Variants in VPS13B observed in about 807,000 individuals in gnomAD.
VPS13B encodes vacuolar protein sorting 13 homolog B.
In VPS13B, 285 loss-of-function variants were observed where a neutral mutation model predicts 426.4. The observed-to-expected ratio is 0.67, with a 90% CI of 0.61 to 0.74. VPS13B has a LOEUF of 0.74. Among genes scored for constraint, VPS13B ranks in the 30% least tolerant of loss-of-function variants. The probability of loss-of-function intolerance (pLI) is 0.00; values close to 1 mark genes in which losing one functional copy is unlikely to be tolerated. For synonymous variants in VPS13B, 1,676 were observed against 1,676.4 expected (o/e 1.00, Z 0.01); for missense variants, 4,537 against 4,782.6 (o/e 0.95, Z 1.51).
intron 19 of VPS13B, among the ~76,000 whole-genome samples, chr8:99,369,960 A>G (rs535924680): frequency 3.3e-5 from 5 of 152,338 alleles, no homozygotes; most frequent in African/African-American, 1.2e-4. Flanking sequence ...ACCTGTCATT[A>G]GTAATCACAG....
intron 40 of VPS13B, among the ~76,000 whole-genome samples, chr8:99,771,038 C>T (rs1319480294): frequency 5.3e-5 from 8 of 152,192 alleles, no homozygotes. Context: ...ACAATTTTTA[C>T]TTTATTTATT....
chr8:99,807,506 G>A (rs1301593708), intron 43 of VPS13B, among the ~76,000 whole-genome samples: 1 of 151,680 alleles, frequency 6.6e-6, no homozygotes, highest in Non-Finnish European at 1.5e-5. Flanking sequence ...TGTACCCTGA[G>A]CTTGATTCCC....
In VPS13B at chr8:99,047,676, T is replaced by G. The variant is rs917818525; in HGVS notation, c.291+9110T>G. The stretch of plus-strand genomic sequence containing the variant: ...GGTAGGCATTTAGGGCTATGAACTT[T>G]CTTTCTTTCCTTTTCTTTTTTTTAT... On this transcript the variant is annotated intron_variant, in intron 3 of 61. Coordinates refer to ENST00000357162, the MANE Select transcript of VPS13B (RefSeq NM_152564.5). Among the ~76,000 whole-genome samples, 5 of 151,956 alleles carry G rather than the reference T, an allele frequency of 3.3e-5. No homozygotes were observed. In the East Asian group the frequency reaches 9.7e-4, roughly 29 times the overall value.
chr8:99,326,280 C>T (rs1156956485), intron 19 of VPS13B, among the ~76,000 whole-genome samples: 2 of 151,624 alleles, frequency 1.3e-5, no homozygotes, highest in African/African-American at 4.8e-5. Flanking sequence ...GTGTTATTTA[C>T]ATTTTATGTT....
At chr8:99,834,510 CT>C (rs1180991844) in intron 52 of VPS13B, among the ~76,000 whole-genome samples, 1 of 151,974 alleles carries the variant, frequency 6.6e-6, no homozygotes, top group African/African-American at 2.4e-5. Flanking sequence ...TCTAGTAGTC[CT>C]TTTAAAAGAA....
chr8:99,508,437 G>A (rs1821618438), intron 28 of VPS13B, among the ~76,000 whole-genome samples: 1 of 152,194 alleles, frequency 6.6e-6, no homozygotes, highest in East Asian at 1.9e-4. Flanking sequence ...ATCTGGATAT[G>A]TTCTTAAGCT....
At chr8:99,612,480 C>A (rs1429254042) in intron 33 of VPS13B, among the ~76,000 whole-genome samples, 1 of 152,158 alleles carries the variant, frequency 6.6e-6, no homozygotes, top group Non-Finnish European at 1.5e-5. Context: ...TTCCTGCCTT[C>A]TATTTTAAGC....
At chr8:99,623,891 A>G (rs1828473718) in intron 33 of VPS13B, among the ~76,000 whole-genome samples, 1 of 151,916 alleles carries the variant, frequency 6.6e-6, no homozygotes, top group African/African-American at 2.4e-5. Context: ...CTCATTTATC[A>G]TCATAAGAAC....
chr8:99,176,225 C>T (rs1812623824), intron 16 of VPS13B, among the ~76,000 whole-genome samples: 2 of 152,144 alleles, frequency 1.3e-5, no homozygotes, highest in South Asian at 4.2e-4. Flanking sequence ...GCCTCTGCCT[C>T]CTGGGCTGAA....
intron 19 of VPS13B, among the ~76,000 whole-genome samples, chr8:99,338,217 A>C (rs895743400): frequency 2.6e-5 from 4 of 152,042 alleles, no homozygotes; most frequent in Non-Finnish European, 1.5e-5. Flanking sequence ...TCAACTGGTC[A>C]GTTTCTATTA....
chr8:99,122,797 TGAATATAAA>T lies in VPS13B; in HGVS notation c.1206+1354_1206+1362del, dbSNP rs145202667. 3.5e-4 allele frequency among the ~76,000 whole-genome samples: 54 copies of T among 152,118 alleles called. No homozygotes were observed. The East Asian group carries it at 0.01, about 29-fold the overall frequency. On this transcript the variant is annotated intron_variant, in intron 8 of 61. Transcript: ENST00000357162. ...CAAATAACATATATATTGTGTTCAT[TGAATATAAA>T]GGTTAGGTAGAAAAATCAAGTGGGG...
intron 39 of VPS13B, among the ~76,000 whole-genome samples, chr8:99,722,962 ATAAC>A (rs912821607): frequency 7.9e-5 from 12 of 152,352 alleles, no homozygotes; most frequent in Non-Finnish European, 1.6e-4. Context: ...CATAAGTGTA[ATAAC>A]TAATTATTGG....
rs983532590 is a variant in VPS13B, at chr8:99,314,244, C to T, written c.2824+38990C>T. ...CTCAGTTGGAAATGCAGAAATCACCCGTCTTCTGCGTCGCTCATGCTGGGA... is the reference window on the plus strand; with the variant it reads ...CTCAGTTGGAAATGCAGAAATCACCTGTCTTCTGCGTCGCTCATGCTGGGA... On this transcript the variant is annotated intron_variant, in intron 19 of 61. Transcript: ENST00000357162. Among the ~76,000 whole-genome samples, 9 of 152,052 alleles carry T rather than the reference C, an allele frequency of 5.9e-5. 1 individual carries two copies. Among genetic ancestry groups the T allele is most frequent in the Non-Finnish European group, 1.2e-4 (8 of 68,002 alleles).
chr8:99,779,520 T>C (rs1019482562), intron 42 of VPS13B, among the ~76,000 whole-genome samples: 1 of 152,224 alleles, frequency 6.6e-6, no homozygotes, highest in Admixed American at 6.5e-5. Context: ...CTCTACTCTT[T>C]CTGACTTTTT....
At chr8:99,591,932 TA>T (rs1313075271) in intron 33 of VPS13B, among the ~76,000 whole-genome samples, 1 of 152,192 alleles carries the variant, frequency 6.6e-6, no homozygotes. Context: ...TCCTGGATAA[TA>T]TCCTGAAGAG....
At chr8:99,390,382 G>A (rs551407051) in intron 20 of VPS13B, among the ~76,000 whole-genome samples, 25 of 152,262 alleles carry the variant, frequency 1.6e-4, no homozygotes, top group African/African-American at 2.4e-4. Flanking sequence ...GATTACAGGC[G>A]TGAGCCACCG....
At chr8:99,403,268 C>T (rs1316369171) in intron 21 of VPS13B, among the ~76,000 whole-genome samples, 1 of 151,972 alleles carries the variant, frequency 6.6e-6, no homozygotes, top group Non-Finnish European at 1.5e-5. Flanking sequence ...AAAAACAGGT[C>T]TTATCCAGTG....
At chr8:99,777,199 C>G (rs759645539) in intron 41 of VPS13B, among the ~76,000 whole-genome samples, 1 of 152,082 alleles carries the variant, frequency 6.6e-6, no homozygotes, top group South Asian at 2.1e-4. Context: ...TGAATGCTAC[C>G]TAATGAGAAT....
At chr8:99,286,792 A>G (rs1819466354) in intron 19 of VPS13B, among the ~76,000 whole-genome samples, 1 of 152,158 alleles carries the variant, frequency 6.6e-6, no homozygotes, top group South Asian at 2.1e-4. Flanking sequence ...TGGTTTAAAT[A>G]TAGAGGCAGA....
Sources: gnomAD v4.1 joint callset for allele counts (sites outside exome capture counted in the v4.1 genomes callset) on GRCh38, gnomAD v4.1.1 for gene constraint, MANE v1.5 for transcripts, NCBI Gene and HGNC (gene_info 2026-07-23, HGNC 2026-07-21) for gene names.